The following BACE1 variants were observed in gnomAD, a reference collection of about 807,000 sequenced individuals.
The protein encoded by BACE1 is APP beta-secretase.
A neutral mutation model predicts 54.0 loss-of-function variants in BACE1; 21 were observed. The observed-to-expected ratio is 0.39, with a 90% CI of 0.28 to 0.56. BACE1 has a LOEUF of 0.56. BACE1 is among the 20% of genes least tolerant of loss of function. The probability of loss-of-function intolerance (pLI) is 0.63; values close to 1 mark genes in which losing one functional copy is unlikely to be tolerated. For synonymous variants in BACE1, 232 were observed against 260.9 expected (o/e 0.89, Z 1.07); for missense variants, 511 against 661.2 (o/e 0.77, Z 2.49).
Position 117,293,833 on chromosome 11 carries a change from T to A in BACE1, c.705+38A>T. 1 of 1,583,250 alleles carries A rather than the reference T, an allele frequency of 6.3e-7. No homozygotes were observed. The highest frequency in any genetic ancestry group is 8.6e-7 in the Non-Finnish European group (1 of 1,164,824). On this transcript the variant is annotated intron_variant, in intron 4 of 8. Transcript: ENST00000313005. This position sits in a 1 kb window ranked among gnomAD's most constrained non-coding sequence, Gnocchi z 4.1. The stretch of plus-strand genomic sequence containing the variant: ...GGAGAGGATGGCACCCATCTCTCCC[T>A]CAATGCCAGGACCTCCCCTCTCTGA...
intron 6 of BACE1, 89 bp from the exon 7 acceptor site, chr11:117,291,138 A>G (rs896166091): frequency 1.1e-5 from 16 of 1,491,592 alleles, no homozygotes; most frequent in Non-Finnish European, 1.4e-5. Context: ...TGGGCCCTTC[A>G]TTTGCTTTTC....
chr11:117,293,005 T>C lies in BACE1; in HGVS notation c.840+49A>G. The C allele has an allele frequency of 1.3e-6, 2 of 1,599,454 alleles. No homozygotes were observed. Among genetic ancestry groups the C allele is most frequent in the Non-Finnish European group, 8.5e-7 (1 of 1,172,498 alleles). Reference sequence around the variant, plus strand: ...TGATAACCAGAGTCTTCCTTCACATTGTACTGCCTACCCCCTTATGTTCCC... The same window carrying C: ...TGATAACCAGAGTCTTCCTTCACATCGTACTGCCTACCCCCTTATGTTCCC... On this transcript the variant is annotated intron_variant, in intron 5 of 8. Coordinates refer to ENST00000313005, the MANE Select transcript of BACE1 (RefSeq NM_012104.6). The surrounding 1 kb of genome is among the most constrained non-coding windows in gnomAD (Gnocchi z 4.1).
rs1245376292 is a variant in BACE1 at position 117,293,195 on chromosome 11, A to G, written c.706-7T>C. 8.1e-6 allele frequency: 13 copies of G among 1,611,390 alleles called. No individual in the cohort carries two copies. The highest frequency in any genetic ancestry group is 3.4e-5 in the Admixed American group (2 of 59,574). The stretch of plus-strand genomic sequence containing the variant: ...GGTCGATACCTCCAATGATCTAGGG[A>G]AAAAAAGAGGCAGGTACCCGTGTCC... On this transcript the variant is annotated splice_polypyrimidine_tract_variant and splice_region_variant and intron_variant, in intron 4 of 8. Coordinates refer to ENST00000313005, the MANE Select transcript of BACE1 (RefSeq NM_012104.6). The surrounding 1 kb of genome is among the most constrained non-coding windows in gnomAD (Gnocchi z 4.1).
chr11:117,300,329 G>A (rs2034695812), intron 1 of BACE1, among the ~76,000 whole-genome samples: 3 of 152,122 alleles, frequency 2.0e-5, no homozygotes, highest in Admixed American at 2.0e-4. Context: ...AGCAAATGTC[G>A]ACCCGTCTGC....
At chr11:117,295,619 C>T in intron 2 of BACE1, 2 of 1,534,536 alleles carry the variant, frequency 1.3e-6, no homozygotes, top group Middle Eastern at 1.7e-4. Flanking sequence ...AAGAACAAGC[C>T]TGGGCTTTGT....
chr11:117,293,766 C>A lies in BACE1; in HGVS notation c.705+105G>T. On this transcript the variant is annotated intron_variant, in intron 4 of 8. Coordinates refer to ENST00000313005, the MANE Select transcript of BACE1 (RefSeq NM_012104.6). This position sits in a 1 kb window ranked among gnomAD's most constrained non-coding sequence, Gnocchi z 4.1. ...GAATATAAAGAGGTTCCTCCTGATT[C>A]TAAGTATCGGAGCCAAAACTGTGGT... is the stretch of plus-strand genomic sequence containing the variant. The A allele has an allele frequency of 8.1e-7, 1 of 1,234,120 alleles. No homozygotes were observed. The highest frequency in any genetic ancestry group is 1.1e-6 in the Non-Finnish European group (1 of 912,010). The allele number at this position is 1,234,120 out of a possible 1,614,324, so 76.4% of individuals were successfully genotyped here.
chr11:117,293,853 C>T lies in BACE1; in HGVS notation c.705+18G>A, dbSNP rs980628595. ...CTCCCTCAATGCCAGGACCTCCCCT[C>T]TCTGAGGACCTACTCACCATGCTCC... is the stretch of plus-strand genomic sequence containing the variant. On this transcript the variant is annotated intron_variant, in intron 4 of 8. Coordinates refer to ENST00000313005, the MANE Select transcript of BACE1 (RefSeq NM_012104.6). The surrounding 1 kb of genome is among the most constrained non-coding windows in gnomAD (Gnocchi z 4.1). The T allele has an allele frequency of 1.2e-6, 2 of 1,604,170 alleles. No individual in the cohort carries two copies. The highest frequency in any genetic ancestry group is 2.7e-5 in the African/African-American group (2 of 74,428).
At chr11:117,291,607 A>G in intron 6 of BACE1, 105 bp downstream of exon 6, 1 of 800,636 alleles carries the variant, frequency 1.2e-6, no homozygotes, top group Non-Finnish European at 2.1e-6. Flanking sequence ...CTCTGAGTAG[A>G]AGGGTCTAAG....
At chr11:117,306,681 C>T (rs12292274) in intron 1 of BACE1, among the ~76,000 whole-genome samples, 143 of 152,156 alleles carry the variant, frequency 9.4e-4, no homozygotes, top group African/African-American at 3.3e-3. Flanking sequence ...TGTGGTTGTG[C>T]GTGCCCGTAG....
intron 1 of BACE1, among the ~76,000 whole-genome samples, chr11:117,305,360 C>G (rs1009153897): frequency 2.0e-5 from 3 of 152,192 alleles, no homozygotes; most frequent in African/African-American, 7.2e-5. Context: ...GTCTCAGAGT[C>G]CAGCGACTGG....
In BACE1 at chr11:117,286,893, T is replaced by C. The variant is rs2034278237; in HGVS notation, c.*2673A>G. The C allele has an allele frequency of 6.6e-6, 1 of 152,650 alleles. No individual in the cohort carries two copies. The highest frequency in any genetic ancestry group is 2.4e-5 in the African/African-American group (1 of 41,460). The allele number at this position is 152,650 out of a possible 1,614,324, so 9.5% of individuals were successfully genotyped here. A position where few individuals can be genotyped will look rare whatever the true frequency, so the allele number is the denominator to read the frequency against. ...GTCATGAACAGGAAAGGTGGCAAAA[T>C]GGAAGACCAGTTCTATTGTTCTTTT... On this transcript the variant is annotated 3_prime_UTR_variant, in exon 9 of 9. Coordinates refer to ENST00000313005, the MANE Select transcript of BACE1 (RefSeq NM_012104.6).
intron 1 of BACE1, among the ~76,000 whole-genome samples, chr11:117,302,322 G>T (rs536816903): frequency 6.6e-6 from 1 of 152,178 alleles, no homozygotes; most frequent in Admixed American, 6.5e-5. Context: ...AACAGAGCAA[G>T]ATTCTGTCTC....
intron 1 of BACE1, among the ~76,000 whole-genome samples, chr11:117,297,492 T>G (rs1216215413): frequency 6.6e-6 from 1 of 152,092 alleles, no homozygotes; most frequent in Non-Finnish European, 1.5e-5. Context: ...TGGTGGCACA[T>G]GCCTGTAGTC....
intron 1 of BACE1, among the ~76,000 whole-genome samples, chr11:117,312,962 G>A (rs2034984817): frequency 6.6e-6 from 1 of 152,206 alleles, no homozygotes; most frequent in Non-Finnish European, 1.5e-5. Flanking sequence ...GTAACTCTAT[G>A]TGGGCAGAAA....
intron 1 of BACE1, among the ~76,000 whole-genome samples, chr11:117,313,672 A>G (rs192024947): frequency 3.3e-4 from 51 of 152,342 alleles, no homozygotes; most frequent in African/African-American, 1.1e-3. Context: ...TCCTGACCTC[A>G]GGTGATCTGC....
chr11:117,301,380 C>T (rs1379277789), intron 1 of BACE1, among the ~76,000 whole-genome samples: 1 of 152,142 alleles, frequency 6.6e-6, no homozygotes. Context: ...CACTTGAGGC[C>T]AGGAGTTCGA....
chr11:117,294,212 CATAG>C, intron 3 of BACE1: 1 of 385,740 alleles, frequency 2.6e-6, no homozygotes, highest in Non-Finnish European at 4.6e-6. Context: ...TTCACAGATT[CATAG>C]ATCTTTTTTT....
rs2034518289 is a variant in BACE1 at position 117,293,662 on chromosome 11, C to T, written c.705+209G>A. The T allele has an allele frequency of 2.2e-6, 1 of 450,752 alleles. No individual in the cohort carries two copies. The allele number at this position is 450,752 out of a possible 1,614,324, so 27.9% of individuals were successfully genotyped here. On this transcript the variant is annotated intron_variant, in intron 4 of 8. Transcript: ENST00000313005. The surrounding 1 kb of genome is among the most constrained non-coding windows in gnomAD (Gnocchi z 4.1). ...AAATTTTCCTAATTGCCTTCCTTTC[C>T]AAGTTTACCATAGGTGCCTTGATTC...
At chr11:117,303,727 G>A (rs945784581) in intron 1 of BACE1, among the ~76,000 whole-genome samples, 5 of 152,152 alleles carry the variant, frequency 3.3e-5, no homozygotes, top group South Asian at 2.1e-4. Flanking sequence ...CCTCTGGAGT[G>A]GGGGCTCTAG....
Sources: allele counts gnomAD v4.1 joint callset (sites outside exome capture counted in the v4.1 genomes callset), GRCh38; gene constraint gnomAD v4.1.1; non-coding constraint Gnocchi (gnomAD v3.1); transcripts MANE v1.5; gene names NCBI Gene and HGNC (gene_info 2026-07-23, HGNC 2026-07-21).